Variants in EPHA6 observed in about 807,000 individuals in gnomAD.
The protein encoded by EPHA6 is EPH receptor A6.
EPHA6 carries 50 observed loss-of-function variants against 112.0 expected under a neutral mutation model. The ratio of observed to expected loss-of-function variants is 0.45; its 90% CI spans 0.36 to 0.56. The LOEUF (loss-of-function observed/expected upper bound fraction) is 0.56. Among genes scored for constraint, EPHA6 ranks in the 20% least tolerant of loss-of-function variants. EPHA6 has a pLI of 0.00. For missense variants in EPHA6, 1,280 were observed against 1,417.4 expected, an observed-to-expected ratio of 0.90 and a Z score of 1.56; for synonymous variants, 529 against 490.7, an observed-to-expected ratio of 1.08 and a Z score of -1.03.
intron 10 of EPHA6, among the ~76,000 whole-genome samples, chr3:97,529,126 C>A (rs2092665504): frequency 6.6e-6 from 1 of 151,878 alleles, no homozygotes; most frequent in East Asian, 1.9e-4. Context: ...TTTAATATGC[C>A]AACACAGGAA....
intron 3 of EPHA6, among the ~76,000 whole-genome samples, chr3:97,168,727 G>T (rs1249996218): frequency 6.6e-6 from 1 of 151,970 alleles, no homozygotes; most frequent in Non-Finnish European, 1.5e-5. Flanking sequence ...AGCCTGTACA[G>T]CCCCAAAGAA....
Position 97,405,304 on chromosome 3 carries a change from C to T in EPHA6, c.1731+30C>T, listed in dbSNP as rs781099127. On this transcript the variant is annotated intron_variant, in intron 6 of 17. Coordinates refer to ENST00000389672, the MANE Select transcript of EPHA6 (RefSeq NM_001080448.3). The stretch of plus-strand genomic sequence containing the variant: ...GTCTTATTTGGAGCTTCCTATAAAA[C>T]TACATATATATGCATATATATGTAT... 6 of 1,577,122 alleles carry T rather than the reference C, an allele frequency of 3.8e-6. No individual in the cohort carries two copies. In the South Asian group the frequency reaches 6.7e-5, roughly 18 times the overall value.
chr3:96,855,872 T>A (rs113847238), intron 1 of EPHA6, among the ~76,000 whole-genome samples: 3 of 152,154 alleles, frequency 2.0e-5, no homozygotes, highest in Non-Finnish European at 2.9e-5. Context: ...CAACTCTTAT[T>A]ATTCTTCATC....
intron 5 of EPHA6, among the ~76,000 whole-genome samples, chr3:97,369,636 C>A (rs1320032827): frequency 6.6e-6 from 1 of 152,136 alleles, no homozygotes; most frequent in African/African-American, 2.4e-5. Context: ...CCATTCCTTG[C>A]TCACGGGACT....
At chr3:96,900,573 A>G (rs755282779) in intron 2 of EPHA6, among the ~76,000 whole-genome samples, 6 of 152,246 alleles carry the variant, frequency 3.9e-5, no homozygotes, top group Admixed American at 6.5e-5. Flanking sequence ...TAAAGGCAAC[A>G]GAGGGAGCTT....
rs1396275493 is a variant in EPHA6 at position 97,068,154 on chromosome 3, C to CA, written c.1114+80171dup. On this transcript the variant is annotated intron_variant, in intron 3 of 17. Coordinates refer to ENST00000389672, the MANE Select transcript of EPHA6 (RefSeq NM_001080448.3). Reference sequence around the variant, plus strand: ...TGAGTGACAGAGCAAGACTCCATCTCAAAAAAAAAAGAAAAAAAAAAAAAA... The same window carrying CA: ...TGAGTGACAGAGCAAGACTCCATCTCAAAAAAAAAAAGAAAAAAAAAAAAAA... Among the ~76,000 whole-genome samples the CA allele has an allele frequency of 3.3e-3, 199 of 60,682 alleles. 1 individual carries two copies. Among genetic ancestry groups the CA allele is most frequent in the Middle Eastern group, 9.6e-3 (1 of 104 alleles). 39.8% of individuals were successfully genotyped at this position (60,682 alleles called of 152,430 possible).
intron 3 of EPHA6, among the ~76,000 whole-genome samples, chr3:96,995,781 A>T (rs992578224): frequency 6.6e-6 from 1 of 152,178 alleles, no homozygotes; most frequent in Non-Finnish European, 1.5e-5. Flanking sequence ...GCTAACAATC[A>T]TCTGAGCCTT....
intron 2 of EPHA6, among the ~76,000 whole-genome samples, chr3:96,885,104 T>C (rs2037547852): frequency 6.6e-6 from 1 of 152,166 alleles, no homozygotes; most frequent in African/African-American, 2.4e-5. Flanking sequence ...ATCTTTTTGA[T>C]ATGTTGTTGG....
At chr3:96,956,956 C>T (rs183337683) in intron 2 of EPHA6, among the ~76,000 whole-genome samples, 4 of 151,474 alleles carry the variant, frequency 2.6e-5, no homozygotes, top group Non-Finnish European at 4.4e-5. Context: ...TCGCTTGAAC[C>T]CAGGAGGCAG....
At chr3:97,499,910 G>A (rs2092073702) in intron 10 of EPHA6, among the ~76,000 whole-genome samples, 2 of 151,860 alleles carry the variant, frequency 1.3e-5, no homozygotes, top group African/African-American at 4.8e-5. Context: ...TACACTAAAT[G>A]TATAAAATAC....
At chr3:97,539,332 G>T (rs1332873949) in intron 11 of EPHA6, among the ~76,000 whole-genome samples, 1 of 151,752 alleles carries the variant, frequency 6.6e-6, no homozygotes, top group African/African-American at 2.4e-5. Flanking sequence ...ATTTTTCGTA[G>T]AGATGGGGTT....
At chr3:97,571,168 G>A (rs2093329084) in intron 11 of EPHA6, among the ~76,000 whole-genome samples, 1 of 152,054 alleles carries the variant, frequency 6.6e-6, no homozygotes, top group South Asian at 2.1e-4. Flanking sequence ...AGCATTTAGG[G>A]CAGTAATATC....
At chr3:97,293,689 T>G (rs749356833) in intron 5 of EPHA6, among the ~76,000 whole-genome samples, 28 of 152,194 alleles carry the variant, frequency 1.8e-4, no homozygotes, top group Non-Finnish European at 1.8e-4. Context: ...CTCTGGAGTG[T>G]GGACTCCACT....
At chr3:96,833,311 A>G (rs2034201713) in intron 1 of EPHA6, among the ~76,000 whole-genome samples, 1 of 151,490 alleles carries the variant, frequency 6.6e-6, no homozygotes, top group Non-Finnish European at 1.5e-5. Flanking sequence ...TAAGGAATAC[A>G]CAAATTGCCA....
At chr3:97,256,945 T>G (rs546968021) in intron 5 of EPHA6, among the ~76,000 whole-genome samples, 1 of 152,142 alleles carries the variant, frequency 6.6e-6, no homozygotes, top group East Asian at 1.9e-4. Flanking sequence ...TATCAGAAAT[T>G]ATTTGTGTTT....
chr3:96,929,833 C>A (rs548887312), intron 2 of EPHA6, among the ~76,000 whole-genome samples: 84 of 152,214 alleles, frequency 5.5e-4, no homozygotes, highest in Middle Eastern at 3.4e-3. Context: ...CAAGTTGATT[C>A]CATTCTCCTT....
intron 11 of EPHA6, among the ~76,000 whole-genome samples, chr3:97,568,171 T>A (rs1285901897): frequency 6.6e-6 from 1 of 152,168 alleles, no homozygotes; most frequent in East Asian, 1.9e-4. Flanking sequence ...ATAGCGAGAA[T>A]GATTTTTAAC....
At chr3:97,260,548 CAGT>C (rs1431238091) in intron 5 of EPHA6, among the ~76,000 whole-genome samples, 1 of 152,126 alleles carries the variant, frequency 6.6e-6, no homozygotes, top group East Asian at 1.9e-4. Flanking sequence ...TGAGATTTCC[CAGT>C]AGGTTAAGTT....
chr3:97,653,598 T>C (rs753865352), intron 14 of EPHA6, among the ~76,000 whole-genome samples: 10 of 151,868 alleles, frequency 6.6e-5, no homozygotes, highest in Non-Finnish European at 1.3e-4. Context: ...AGTCTAGAAG[T>C]TCCTCAGAAA....
Sources: gnomAD v4.1 joint callset for allele counts (sites outside exome capture counted in the v4.1 genomes callset) on GRCh38, gnomAD v4.1.1 for gene constraint, MANE v1.5 for transcripts, NCBI Gene and HGNC (gene_info 2026-07-23, HGNC 2026-07-21) for gene names.